Variants in BMPR2 observed in about 807,000 individuals in gnomAD.
The protein encoded by BMPR2 is bone morphogenetic protein receptor type-2.
Under a neutral mutation model 100.8 loss-of-function variants are expected in BMPR2, and 29 were observed. That is an observed-to-expected ratio of 0.29 (90% confidence interval 0.21 to 0.39). BMPR2 has a LOEUF of 0.39. Ranked by LOEUF, BMPR2 falls within the 10% of genes least tolerant of loss-of-function variation. BMPR2 has a pLI of 1.00. For synonymous variants in BMPR2, 382 were observed against 442.3 expected (o/e 0.86, Z 1.71); for missense variants, 1,011 against 1,274.5 (o/e 0.79, Z 3.15).
At position 202,391,669 on chromosome 2, in the gene BMPR2, G is replaced by A. The variant is rs184373585; in HGVS notation, c.76+14119G>A. On this transcript the variant is annotated intron_variant, in intron 1 of 12. Coordinates refer to ENST00000374580, the MANE Select transcript of BMPR2 (RefSeq NM_001204.7). The stretch of plus-strand genomic sequence containing the variant: ...TGGTTCAATCTCAGTTCACTGCAGC[G>A]TCTGCCTCCCAACTCAGGCCATCCT... Among the ~76,000 whole-genome samples, 207 of 149,284 alleles carry A rather than the reference G, an allele frequency of 1.4e-3. 3 individuals are homozygous for A. The highest frequency in any genetic ancestry group is 4.9e-3 in the African/African-American group (198 of 40,330).
At chr2:202,388,756 C>T (rs1459791525) in intron 1 of BMPR2, among the ~76,000 whole-genome samples, 2 of 150,738 alleles carry the variant, frequency 1.3e-5, no homozygotes, top group African/African-American at 4.9e-5. Context: ...CCACTGCACT[C>T]CAGCCTGGGC....
intron 1 of BMPR2, among the ~76,000 whole-genome samples, chr2:202,420,541 T>A (rs1425490323): frequency 5.2e-5 from 4 of 76,992 alleles, no homozygotes; most frequent in Admixed American, 1.4e-4. Flanking sequence ...AGCATGATTT[T>A]TTTTTTTTTT....
rs1180940562 is a variant in BMPR2, at chr2:202,495,031, C to T, written c.419-18688C>T. Reference sequence around the variant, plus strand: ...TACAGACAGGTAGGCTGTGGGGCTCCGACCTCACAACAGTGTCTAGGAGTG... The same window carrying T: ...TACAGACAGGTAGGCTGTGGGGCTCTGACCTCACAACAGTGTCTAGGAGTG... On this transcript the variant is annotated intron_variant, in intron 3 of 12. Transcript: ENST00000374580. This position sits in a 1 kb window ranked among gnomAD's most constrained non-coding sequence, Gnocchi z 4.5. Among the ~76,000 whole-genome samples, 5 of 152,148 alleles carry T rather than the reference C, an allele frequency of 3.3e-5. No individual in the cohort carries two copies. Among genetic ancestry groups the T allele is most frequent in the East Asian group, 3.9e-4 (2 of 5,188 alleles).
intron 3 of BMPR2, among the ~76,000 whole-genome samples, chr2:202,471,287 T>G (rs953168059): frequency 2.6e-5 from 4 of 152,202 alleles, no homozygotes; most frequent in Non-Finnish European, 5.9e-5. Flanking sequence ...TGGCAGCTTA[T>G]CATTCTGCAA....
In BMPR2 at chr2:202,542,297, C is replaced by G. The variant is rs1004073275; in HGVS notation, c.1277-14C>G. Reference sequence around the variant, plus strand: ...AGAAATTTTATTCTGTCATTCTTTTCTACAAATCCACAGGGGAATCCGTAC... The same window carrying G: ...AGAAATTTTATTCTGTCATTCTTTTGTACAAATCCACAGGGGAATCCGTAC... On this transcript the variant is annotated splice_polypyrimidine_tract_variant and intron_variant, in intron 9 of 12. Transcript: ENST00000374580. 1 of 1,613,430 alleles carries G rather than the reference C, an allele frequency of 6.2e-7. No individual in the cohort carries two copies. Among genetic ancestry groups the G allele is most frequent in the Non-Finnish European group, 8.5e-7 (1 of 1,179,578 alleles).
rs1286743448 is a variant in BMPR2 at position 202,498,444 on chromosome 2, A to G, written c.419-15275A>G. Reference sequence around the variant, plus strand: ...GGGCAGGGGTTGTTTCTGCTGCTGCATTGGTGAGCGCAACTATTCCGATCA... The same window carrying G: ...GGGCAGGGGTTGTTTCTGCTGCTGCGTTGGTGAGCGCAACTATTCCGATCA... On this transcript the variant is annotated intron_variant, in intron 3 of 12. Transcript: ENST00000374580. 4.2e-5 allele frequency among the ~76,000 whole-genome samples: 6 copies of G among 143,508 alleles called. No homozygotes were observed. The South Asian group carries it at 6.8e-4, about 16-fold the overall frequency. 94.1% of individuals were successfully genotyped at this position (143,508 alleles called of 152,430 possible).
At chr2:202,544,761 C>CTTTTTTTTTTTTTTTTTT (rs56654364) in intron 10 of BMPR2, among the ~76,000 whole-genome samples, 25 of 82,686 alleles carry the variant, frequency 3.0e-4, no homozygotes, top group East Asian at 1.9e-3. Flanking sequence ...CTTTTTCTTT[C>CTTTTTTTTTTTTTTTTTT]TTTTTTTTTT....
At chr2:202,557,612 A>G (rs1302957305) in intron 12 of BMPR2, among the ~76,000 whole-genome samples, 1 of 152,152 alleles carries the variant, frequency 6.6e-6, no homozygotes, top group Non-Finnish European at 1.5e-5. Context: ...GGTTGCAGTG[A>G]GCTGAGATTG....
At chr2:202,442,740 A>G (rs1257431896) in intron 1 of BMPR2, among the ~76,000 whole-genome samples, 3 of 150,604 alleles carry the variant, frequency 2.0e-5, no homozygotes, top group Non-Finnish European at 4.4e-5. Flanking sequence ...AATGTCCTCA[A>G]GGTTCATCCT....
At chr2:202,415,449 C>T (rs1257940620) in intron 1 of BMPR2, among the ~76,000 whole-genome samples, 2 of 151,976 alleles carry the variant, frequency 1.3e-5, no homozygotes, top group Admixed American at 1.3e-4. Context: ...CCAGCCTGGG[C>T]AACAAGAGCG....
At chr2:202,485,543 A>ATATTTTTT (rs1574472655) in intron 3 of BMPR2, among the ~76,000 whole-genome samples, 1 of 14,052 alleles carries the variant, frequency 7.1e-5, no homozygotes, top group Non-Finnish European at 1.9e-4. Flanking sequence ...CTTTGCCTTT[A>ATATTTTTT]TCTTTTTTTT....
At chr2:202,466,380 G>C (rs1476790934) in intron 2 of BMPR2, among the ~76,000 whole-genome samples, 2 of 151,690 alleles carry the variant, frequency 1.3e-5, no homozygotes, top group African/African-American at 4.8e-5. Flanking sequence ...TCCGCCTCCC[G>C]GGTTCAAGCG....
At chr2:202,425,294 G>A (rs1226177408) in intron 1 of BMPR2, among the ~76,000 whole-genome samples, 1 of 152,182 alleles carries the variant, frequency 6.6e-6, no homozygotes, top group Non-Finnish European at 1.5e-5. Context: ...TCTGCCGCTA[G>A]TGCTGCTGCA....
At chr2:202,512,814 T>C (rs1188876630) in intron 3 of BMPR2, among the ~76,000 whole-genome samples, 2 of 152,174 alleles carry the variant, frequency 1.3e-5, no homozygotes, top group Non-Finnish European at 2.9e-5. Flanking sequence ...TAAGGTCATA[T>C]GTTAAGTGGA....
chr2:202,559,355 C>T (rs986512056), intron 12 of BMPR2, among the ~76,000 whole-genome samples: 5 of 151,058 alleles, frequency 3.3e-5, no homozygotes, highest in Non-Finnish European at 7.4e-5. Context: ...CAATTAAATA[C>T]AATAATTAAG....
chr2:202,537,088 G>GT, intron 9 of BMPR2, among the ~76,000 whole-genome samples: 1 of 151,974 alleles, frequency 6.6e-6, no homozygotes, highest in South Asian at 2.1e-4. Flanking sequence ...TCGAGACAGT[G>GT]TTTTGCTGTA....
At position 202,393,549 on chromosome 2, in the gene BMPR2, G is replaced by GC. The variant is rs1690592991; in HGVS notation, c.76+16001dup. Among the ~76,000 whole-genome samples, 3 of 152,218 alleles carry GC rather than the reference G, an allele frequency of 2.0e-5. No individual in the cohort carries two copies. In the South Asian group the frequency reaches 6.2e-4, roughly 32 times the overall value. ...AGGCACAAGCGATCCTCCTGACTCA[G>GC]CCTCCCAAAGTGTTGGGGCTACAGC... On this transcript the variant is annotated intron_variant, in intron 1 of 12. Coordinates refer to ENST00000374580, the MANE Select transcript of BMPR2 (RefSeq NM_001204.7).
intron 1 of BMPR2, among the ~76,000 whole-genome samples, chr2:202,452,301 A>G (rs1388894110): frequency 6.6e-6 from 1 of 152,158 alleles, no homozygotes; most frequent in Non-Finnish European, 1.5e-5. Context: ...TTTGATATTT[A>G]TCCATATTGT....
intron 9 of BMPR2, among the ~76,000 whole-genome samples, chr2:202,537,317 A>G (rs748840729): frequency 1.1e-4 from 16 of 152,254 alleles, no homozygotes; most frequent in African/African-American, 1.4e-4. Context: ...TCAGATTAGT[A>G]CACTGCTACA....
Sources: gnomAD v4.1 joint callset for allele counts (sites outside exome capture counted in the v4.1 genomes callset) on GRCh38, gnomAD v4.1.1 for gene constraint, Gnocchi (gnomAD v3.1) non-coding constraint, MANE v1.5 for transcripts, NCBI Gene and HGNC (gene_info 2026-07-23, HGNC 2026-07-21) for gene names.